Variants in ADCY9 observed in about 807,000 individuals in gnomAD.
ADCY9 encodes adenylate cyclase type 9.
Under a neutral mutation model 101.5 loss-of-function variants are expected in ADCY9, and 50 were observed. The observed-to-expected ratio is 0.49, with a 90% CI of 0.39 to 0.62. The LOEUF (loss-of-function observed/expected upper bound fraction) is 0.62. Ranked by LOEUF, ADCY9 falls within the 20% of genes least tolerant of loss-of-function variation. The pLI, the probability that ADCY9 is intolerant of heterozygous loss-of-function variation, is 0.00. For missense variants in ADCY9, 1,662 were observed against 1,800.4 expected, an observed-to-expected ratio of 0.92 and a Z score of 1.39; for synonymous variants, 905 against 769.3, an observed-to-expected ratio of 1.18 and a Z score of -2.92.
intron 2 of ADCY9, among the ~76,000 whole-genome samples, chr16:4,028,681 A>C (rs375357317): frequency 6.6e-6 from 1 of 152,242 alleles, no homozygotes; most frequent in East Asian, 1.9e-4. Context: ...TTTTCTAAAA[A>C]TAAAATTGTA....
intron 2 of ADCY9, among the ~76,000 whole-genome samples, chr16:4,070,622 C>A (rs2056828160): frequency 6.6e-6 from 1 of 152,060 alleles, no homozygotes; most frequent in Non-Finnish European, 1.5e-5. Flanking sequence ...TCAAGTCCAG[C>A]CTGGGCAACA....
At chr16:4,083,887 T>C (rs2056920916) in intron 2 of ADCY9, among the ~76,000 whole-genome samples, 1 of 152,122 alleles carries the variant, frequency 6.6e-6, no homozygotes, top group Non-Finnish European at 1.5e-5. Context: ...GTGCCGGGCT[T>C]CTCTGTCGAG....
At chr16:4,019,195 T>C (rs568781632) in intron 2 of ADCY9, among the ~76,000 whole-genome samples, 2 of 152,290 alleles carry the variant, frequency 1.3e-5, no homozygotes, top group Admixed American at 6.5e-5. Flanking sequence ...TTGCCCAGGC[T>C]GGGCTTGAAC....
At chr16:4,052,549 T>C (rs529591062) in intron 2 of ADCY9, among the ~76,000 whole-genome samples, 1 of 152,310 alleles carries the variant, frequency 6.6e-6, no homozygotes, top group East Asian at 1.9e-4. Flanking sequence ...TTATACTGTT[T>C]GGGAGCATCT....
chr16:4,089,996 C>A (rs1303182815), intron 2 of ADCY9, among the ~76,000 whole-genome samples: 3 of 152,072 alleles, frequency 2.0e-5, no homozygotes, highest in African/African-American at 7.2e-5. Flanking sequence ...GCTGGGACTC[C>A]GTGGGCCCGA....
In ADCY9 at chr16:4,035,445, T is replaced by C. The variant is rs536544133; in HGVS notation, c.1694-27887A>G. On this transcript the variant is annotated intron_variant, in intron 2 of 10. Coordinates refer to ENST00000294016, the MANE Select transcript of ADCY9 (RefSeq NM_001116.4). ...TGGATTAAAGTTAATATAAGTGTAA[T>C]TGCCATACAGAGTGATTATGGGTGC... Among the ~76,000 whole-genome samples, 75 of 152,328 alleles carry C rather than the reference T, an allele frequency of 4.9e-4. 1 individual carries two copies. The highest frequency in any genetic ancestry group is 7.8e-4 in the Non-Finnish European group (53 of 68,038).
rs371457232 is a variant in ADCY9 at position 4,090,877 on chromosome 16, A to G, written c.1693+22873T>C. On this transcript the variant is annotated intron_variant, in intron 2 of 10. Coordinates refer to ENST00000294016, the MANE Select transcript of ADCY9 (RefSeq NM_001116.4). ...AAAGAGTCTCTAGGCTCTTATATCT[A>G]CATTATAATTTTTATCCTAATCACA... Among the ~76,000 whole-genome samples, 149 of 152,014 alleles carry G rather than the reference A, an allele frequency of 9.8e-4. 2 individuals carry two copies. Among genetic ancestry groups the G allele is most frequent in the African/African-American group, 3.5e-3 (147 of 41,518 alleles).
intron 2 of ADCY9, among the ~76,000 whole-genome samples, chr16:4,038,547 G>A (rs1328561787): frequency 2.0e-5 from 3 of 152,120 alleles, no homozygotes; most frequent in Non-Finnish European, 4.4e-5. Flanking sequence ...TCTATTGTTT[G>A]GAAATCACCC....
intron 2 of ADCY9, among the ~76,000 whole-genome samples, chr16:4,083,031 C>T (rs1330551264): frequency 1.3e-5 from 2 of 152,188 alleles, no homozygotes; most frequent in African/African-American, 2.4e-5. Context: ...ACATCTCCCA[C>T]GTGGCAAAGA....
At position 4,027,653 on chromosome 16, in the gene ADCY9, T is replaced by A. The variant is rs112814893; in HGVS notation, c.1694-20095A>T. Among the ~76,000 whole-genome samples the A allele has an allele frequency of 7.2e-3, 1,094 of 152,118 alleles. 14 individuals are homozygous for A. Among genetic ancestry groups the A allele is most frequent in the African/African-American group, 0.023 (969 of 41,490 alleles). On this transcript the variant is annotated intron_variant, in intron 2 of 10. Transcript: ENST00000294016. ...GCACTGTGGGAGGCCGAGGTGGGCATATCACCTGAGCTCAAGAGTTCGAGA... is the reference window on the plus strand; with the variant it reads ...GCACTGTGGGAGGCCGAGGTGGGCAAATCACCTGAGCTCAAGAGTTCGAGA...
At chr16:4,095,047 G>A (rs1446504488) in intron 2 of ADCY9, among the ~76,000 whole-genome samples, 1 of 146,576 alleles carries the variant, frequency 6.8e-6, no homozygotes, top group Admixed American at 6.9e-5. Flanking sequence ...CTGTCACCTA[G>A]GCTGGAGTGC....
Position 3,989,069 on chromosome 16 carries a change from C to G in ADCY9, c.2235G>C (p.Pro745=). The change falls in exon 6 of 11, where the codon CCG becomes CCC. Residue 745 remains proline (P), a synonymous_variant. Coordinates refer to ENST00000294016, the MANE Select transcript of ADCY9 (RefSeq NM_001116.4). ...DSLMKDYFFK[P]PINQFSLNFL... Reference sequence around the variant, plus strand: ...AGTTCAGGCTGAACTGATTAATGGGCGGCTTAAAAAAGTAATCTTTCATCA... The same window carrying G: ...AGTTCAGGCTGAACTGATTAATGGGGGGCTTAAAAAAGTAATCTTTCATCA... 2 of 1,613,962 alleles carry G rather than the reference C, an allele frequency of 1.2e-6. No individual in the cohort carries two copies. Among genetic ancestry groups the G allele is most frequent in the Non-Finnish European group, 1.7e-6 (2 of 1,179,878 alleles).
At chr16:4,016,768 T>C (rs868154723) in intron 2 of ADCY9, among the ~76,000 whole-genome samples, 4 of 152,196 alleles carry the variant, frequency 2.6e-5, no homozygotes, top group Non-Finnish European at 5.9e-5. Flanking sequence ...ATGAAATGTC[T>C]GGCATAGGGA....
chr16:4,115,116 G>C lies in ADCY9; in HGVS notation c.327C>G (p.Phe109Leu). ...NLEEACLERC[F>L]PQTQRRFRYA... is the part of the protein sequence containing the mutation. ...ACCGGAACCGGCGCTGGGTCTGCGG[G>C]AAGCAGCGCTCCAGGCAGGCCTCCT... Residue 109 changes from phenylalanine to leucine, a missense_variant, in exon 2 of 11, where the codon TTC becomes TTG. Phe to Leu is a conservative substitution (Grantham distance 22). Coordinates refer to ENST00000294016, the MANE Select transcript of ADCY9 (RefSeq NM_001116.4). This position sits in a 1 kb window ranked among gnomAD's most constrained non-coding sequence, Gnocchi z 6.2. 1.9e-6 allele frequency: 3 copies of C among 1,613,846 alleles called. No individual in the cohort carries two copies. In the South Asian group the frequency reaches 3.3e-5, roughly 18 times the overall value.
rs1482347441 is a variant in ADCY9 at position 3,992,212 on chromosome 16, G to A, written c.2141C>T (p.Pro714Leu). The change falls in exon 5 of 11, where the codon CCG (proline) becomes CTG (leucine). Residue 714 changes from proline to leucine, a missense_variant. Coordinates refer to ENST00000294016, the MANE Select transcript of ADCY9 (RefSeq NM_001116.4). This position sits in a 1 kb window ranked among gnomAD's most constrained non-coding sequence, Gnocchi z 4.2. Reference sequence around the variant, plus strand: ...CTCCCGGATGTTCTTGAACCTCAGCGGAAGGAGAGCCGACTGGTCCAGGCT... The same window carrying A: ...CTCCCGGATGTTCTTGAACCTCAGCAGAAGGAGAGCCGACTGGTCCAGGCT... ...GVSLDQSALL[P>L]LRFKNIREKT... is the part of the protein sequence containing the mutation. 2 of 1,614,194 alleles carry A rather than the reference G, an allele frequency of 1.2e-6. No individual in the cohort carries two copies. Among genetic ancestry groups the A allele is most frequent in the East Asian group, 2.2e-5 (1 of 44,884 alleles).
intron 2 of ADCY9, among the ~76,000 whole-genome samples, chr16:4,100,627 G>A (rs2057036699): frequency 6.6e-6 from 1 of 151,742 alleles, no homozygotes. Context: ...CATGCACCTG[G>A]CCTCAGGTAG....
At position 3,983,240 on chromosome 16, in the gene ADCY9, C is replaced by A. The variant is rs2056160022; in HGVS notation, c.2511G>T (p.Val837=). 2 of 1,549,986 alleles carry A rather than the reference C, an allele frequency of 1.3e-6. No homozygotes were observed. Among genetic ancestry groups the A allele is most frequent in the South Asian group, 1.2e-5 (1 of 84,012 alleles). Reference sequence around the variant, plus strand: ...GTCCACGCGGCGCTTACCTGATGGACACCGCGAGGGACAGCACCTCCAGCA... The same window carrying A: ...GTCCACGCGGCGCTTACCTGATGGAAACCGCGAGGGACAGCACCTCCAGCA... The part of the protein sequence containing the change: ...ALLLEVLSLA[V]SIRMVFFLED... Residue 837 remains valine (V), a synonymous_variant, in exon 7 of 11, where the codon GTG becomes GTT. Coordinates refer to ENST00000294016, the MANE Select transcript of ADCY9 (RefSeq NM_001116.4).
intron 3 of ADCY9, among the ~76,000 whole-genome samples, chr16:3,996,569 C>T (rs72762755): frequency 0.064 from 9,695 of 152,250 alleles, 392 homozygotes; most frequent in Admixed American, 0.098. Flanking sequence ...AGGGCCCAAC[C>T]GGTAGACCAG....
intron 2 of ADCY9, chr16:4,015,496 C>T (rs937468705): frequency 1.3e-5 from 2 of 152,334 alleles, no homozygotes; most frequent in African/African-American, 4.8e-5. Flanking sequence ...GGTGCTATCG[C>T]TGTCATTCAT....
Sources: allele counts gnomAD v4.1 joint callset (sites outside exome capture counted in the v4.1 genomes callset), GRCh38; gene constraint gnomAD v4.1.1; non-coding constraint Gnocchi (gnomAD v3.1); transcripts MANE v1.5; gene names NCBI Gene and HGNC (gene_info 2026-07-23, HGNC 2026-07-21).